Variants in ACTN4 observed in about 807,000 individuals in gnomAD.
ACTN4 encodes alpha-actinin-4.
Under a neutral mutation model 114.2 loss-of-function variants are expected in ACTN4, and 18 were observed. The ratio of observed to expected loss-of-function variants is 0.16; its 90% confidence interval spans 0.11 to 0.23. The LOEUF is 0.23. Among genes scored for constraint, ACTN4 ranks in the 10% least tolerant of loss-of-function variants. ACTN4 has a pLI of 1.00. For missense variants in ACTN4, 722 were observed against 1,262.9 expected (o/e 0.57, Z 6.49); for synonymous variants, 515 against 506.3 (o/e 1.02, Z -0.23).
At chr19:38,708,323 C>A in intron 6 of ACTN4, 128 bp downstream of exon 6, 1 of 1,005,608 alleles carries the variant, frequency 9.9e-7, no homozygotes, top group Non-Finnish European at 1.5e-6. Context: ...AGATGGGCAG[C>A]CTGGGAGAGC....
chr19:38,680,763 C>A (rs928308575), intron 1 of ACTN4, among the ~76,000 whole-genome samples: 3 of 152,076 alleles, frequency 2.0e-5, no homozygotes, highest in Non-Finnish European at 4.4e-5. Flanking sequence ...CTCTTAGAAC[C>A]CTCACCTTCC....
intron 1 of ACTN4, among the ~76,000 whole-genome samples, chr19:38,649,051 T>G (rs1458630111): frequency 6.6e-6 from 1 of 151,332 alleles, no homozygotes; most frequent in Non-Finnish European, 1.5e-5. Flanking sequence ...GTGTGTGTCG[T>G]GCAGGCAGAA....
intron 1 of ACTN4, among the ~76,000 whole-genome samples, chr19:38,677,226 C>G (rs547736316): frequency 6.6e-6 from 1 of 152,198 alleles, no homozygotes; most frequent in Non-Finnish European, 1.5e-5. Flanking sequence ...TTAACTCCAA[C>G]CATCCTTGGC....
intron 4 of ACTN4, among the ~76,000 whole-genome samples, chr19:38,705,708 T>C (rs1342967231): frequency 6.6e-6 from 1 of 152,194 alleles, no homozygotes; most frequent in Non-Finnish European, 1.5e-5. Context: ...TGTGTTCTGG[T>C]GGTGAAAGGC....
intron 5 of ACTN4, 81 bp from the exon 6 acceptor site, chr19:38,708,036 C>T: frequency 7.1e-7 from 1 of 1,401,166 alleles, no homozygotes; most frequent in Admixed American, 1.7e-5. Context: ...GAATTAGTCA[C>T]TGCTGTGGGT....
chr19:38,649,273 G>A (rs1342075105), intron 1 of ACTN4, among the ~76,000 whole-genome samples: 1 of 108,124 alleles, frequency 9.2e-6, no homozygotes, highest in East Asian at 3.0e-4. Context: ...CAGTGTCTGT[G>A]GGGGGGGGAT....
intron 17 of ACTN4, among the ~76,000 whole-genome samples, chr19:38,726,566 T>C (rs1969239387): frequency 1.3e-5 from 2 of 152,148 alleles, no homozygotes; most frequent in African/African-American, 4.8e-5. Context: ...ATTGGTAGCT[T>C]GAGAAACCAA....
At chr19:38,700,307 T>A (rs915271198) in intron 1 of ACTN4, among the ~76,000 whole-genome samples, 8 of 152,142 alleles carry the variant, frequency 5.3e-5, no homozygotes, top group Non-Finnish European at 1.2e-4. Context: ...AAAAAGCACA[T>A]GTTGCCAAAA....
chr19:38,663,460 A>C (rs1976952371), intron 1 of ACTN4, among the ~76,000 whole-genome samples: 1 of 152,198 alleles, frequency 6.6e-6, no homozygotes, highest in Non-Finnish European at 1.5e-5. Flanking sequence ...GAAGGACACT[A>C]AACGGCACAC....
rs1969424696 is a variant in ACTN4, at chr19:38,729,903, C to G, written c.*471C>G. ...CCACCACCACCTGACGGCTGGGGAC[C>G]CACCCAGCCCCTCTCCCCTCTCTGC... On this transcript the variant is annotated 3_prime_UTR_variant, in exon 21 of 21. Coordinates refer to ENST00000252699, the MANE Select transcript of ACTN4 (RefSeq NM_004924.6). 1.7e-5 allele frequency: 6 copies of G among 353,648 alleles called. No homozygotes were observed. The highest frequency in any genetic ancestry group is 1.3e-4 in the South Asian group (6 of 47,640). The allele number at this position is 353,648 out of a possible 1,614,324, so 21.9% of individuals were successfully genotyped here. A position where few individuals can be genotyped will look rare whatever the true frequency, so the allele number is the denominator to read the frequency against.
intron 1 of ACTN4, among the ~76,000 whole-genome samples, chr19:38,649,730 A>G (rs1039292457): frequency 6.6e-6 from 1 of 151,810 alleles, no homozygotes; most frequent in African/African-American, 2.4e-5. Flanking sequence ...CGAGGGCGCG[A>G]GTTGGTGGCC....
intron 1 of ACTN4, among the ~76,000 whole-genome samples, chr19:38,662,482 A>T (rs1976917887): frequency 6.6e-6 from 1 of 152,238 alleles, no homozygotes; most frequent in Non-Finnish European, 1.5e-5. Context: ...GCTGGAAAGA[A>T]GATGGCGAGG....
At chr19:38,682,117 C>T (rs576476722) in intron 1 of ACTN4, among the ~76,000 whole-genome samples, 90 of 152,170 alleles carry the variant, frequency 5.9e-4, no homozygotes, top group African/African-American at 2.0e-3. Flanking sequence ...AGGCGTGAGC[C>T]ACCGCTCCTG....
intron 5 of ACTN4, 136 bp from the exon 6 acceptor site, chr19:38,707,981 C>T: frequency 1.1e-6 from 1 of 895,052 alleles, no homozygotes; most frequent in Non-Finnish European, 1.9e-6. Flanking sequence ...CTCTGCCACA[C>T]TGTCTCCATG....
chr19:38,725,626 G>A (rs1054394288), intron 16 of ACTN4, 98 bp from the exon 17 acceptor site: 44 of 1,437,778 alleles, frequency 3.1e-5, no homozygotes, highest in Non-Finnish European at 3.8e-5. Context: ...AAGGGGCCCC[G>A]GGGAAGATGC....
chr19:38,672,954 T>G (rs1453627015), intron 1 of ACTN4, among the ~76,000 whole-genome samples: 3 of 150,838 alleles, frequency 2.0e-5, no homozygotes, highest in Admixed American at 2.0e-4. Context: ...TTTTTTTTTT[T>G]TTTTTTTGGA....
chr19:38,701,996 G>C (rs1968293113), intron 3 of ACTN4, among the ~76,000 whole-genome samples: 1 of 152,240 alleles, frequency 6.6e-6, no homozygotes, highest in Non-Finnish European at 1.5e-5. Flanking sequence ...GATGAGGGGT[G>C]CCAAGCCTTG....
At chr19:38,668,556 C>T (rs1967034059) in intron 1 of ACTN4, among the ~76,000 whole-genome samples, 1 of 151,994 alleles carries the variant, frequency 6.6e-6, no homozygotes, top group Non-Finnish European at 1.5e-5. Context: ...CATGGTGGTG[C>T]GCGCCTGTAG....
chr19:38,717,365 C>T lies in ACTN4; in HGVS notation c.1143+49C>T, dbSNP rs759435990. 8.2e-6 allele frequency: 13 copies of T among 1,589,686 alleles called. No homozygotes were observed. The highest frequency in any genetic ancestry group is 9.4e-6 in the Non-Finnish European group (11 of 1,168,820). On this transcript the variant is annotated intron_variant, in intron 10 of 20. Coordinates refer to ENST00000252699, the MANE Select transcript of ACTN4 (RefSeq NM_004924.6). The surrounding 1 kb of genome is among the most constrained non-coding windows in gnomAD (Gnocchi z 4.0). ...AGCAGCTGTGAGGGGCAGAGGCAGC[C>T]CTAGAACTGCCTGTGGGCAGTTTGG...
Sources: allele counts gnomAD v4.1 joint callset (sites outside exome capture counted in the v4.1 genomes callset), GRCh38; gene constraint gnomAD v4.1.1; non-coding constraint Gnocchi (gnomAD v3.1); transcripts MANE v1.5; gene names NCBI Gene and HGNC (gene_info 2026-07-23, HGNC 2026-07-21).